Variants in PRSS23 observed in about 807,000 individuals in gnomAD.
PRSS23 encodes serine protease 23.
PRSS23 carries 25 observed loss-of-function variants against 34.7 expected under a neutral mutation model. That is an observed-to-expected ratio of 0.72 (90% CI 0.53 to 1.01). The LOEUF is 1.01. Ranked by LOEUF, PRSS23 falls within the 50% of genes least tolerant of loss-of-function variation. The pLI, the probability that PRSS23 is intolerant of heterozygous loss-of-function variation, is 0.00. For synonymous variants in PRSS23, 176 were observed against 186.6 expected (o/e 0.94, Z 0.46); for missense variants, 445 against 475.6 (o/e 0.94, Z 0.60).
chr11:86,844,460 C>G (rs1341476841), intron 2 of PRSS23, among the ~76,000 whole-genome samples: 1 of 152,106 alleles, frequency 6.6e-6, no homozygotes. Flanking sequence ...ACACCAATGT[C>G]CACAGTGTGC....
chr11:86,848,362 A>G (rs894147880), intron 2 of PRSS23, among the ~76,000 whole-genome samples: 28 of 152,212 alleles, frequency 1.8e-4, no homozygotes, highest in African/African-American at 4.3e-4. Context: ...GAGGAGAGGG[A>G]AAAATTGCCC....
chr11:86,890,386 A>T (rs12801237), intron 2 of PRSS23, among the ~76,000 whole-genome samples: 49,056 of 152,174 alleles, frequency 0.32, 9,118 homozygotes, highest in Non-Finnish European at 0.41. Flanking sequence ...TTATGCCAGA[A>T]CAAAAGTTTA....
chr11:86,951,726 T>C lies in PRSS23; in HGVS notation c.*441T>C, dbSNP rs745360980. 5.0e-6 allele frequency: 8 copies of C among 1,614,226 alleles called. No homozygotes were observed. The South Asian group carries it at 6.6e-5, about 13-fold the overall frequency. ...CAGGCTGCAATGTGGAAATAAGAGC[T>C]GTGCATTTCAATGGCTTCATGACCC... On this transcript the variant is annotated 3_prime_UTR_variant, in exon 3 of 3. Coordinates refer to the PRSS23 transcript ENST00000533902.
exon 3 of PRSS23, chr11:86,951,672 T>C (rs369763103): frequency 2.5e-6 from 4 of 1,614,022 alleles, no homozygotes; most frequent in Non-Finnish European, 2.5e-6. Flanking sequence ...ATAATCAAGA[T>C]GACAATGGTT....
rs1948130538 is a variant in PRSS23, at chr11:86,808,247, G to T, written c.604G>T (p.Gly202Cys). The stretch of plus-strand genomic sequence containing the variant: ...CTTCCTAAAGCCCAAGTTTAAAGAT[G>T]GTGGTCGAGGGGCCAACGACTCCAC... ...VGFLKPKFKD[G>C]GRGANDSTSA... Residue 202 changes from glycine to cysteine, a missense_variant, in exon 2 of 2, where the codon GGT (glycine) becomes TGT (cysteine). Transcript: ENST00000280258. 6.2e-7 allele frequency: 1 copy of T among 1,614,032 alleles called. No individual in the cohort carries two copies. Among genetic ancestry groups the T allele is most frequent in the African/African-American group, 1.3e-5 (1 of 74,938 alleles).
downstream of PRSS23, among the ~76,000 whole-genome samples, chr11:86,815,307 T>C (rs1388197237): frequency 2.6e-5 from 4 of 152,226 alleles, no homozygotes; most frequent in African/African-American, 9.6e-5. Context: ...CACTTATCAC[T>C]AACACTGTTA....
chr11:86,950,249 A>G (rs1465380504), intron 2 of PRSS23: 1 of 152,660 alleles, frequency 6.6e-6, no homozygotes, highest in Non-Finnish European at 1.5e-5. Context: ...TGCTCAATGC[A>G]ATAGGTCTCT....
At chr11:86,828,066 A>G (rs1948318229) in intron 2 of PRSS23, among the ~76,000 whole-genome samples, 1 of 152,140 alleles carries the variant, frequency 6.6e-6, no homozygotes, top group Non-Finnish European at 1.5e-5. Flanking sequence ...TTTCTGTCTC[A>G]TTGATCTGTC....
intron 2 of PRSS23, among the ~76,000 whole-genome samples, chr11:86,853,037 AGAGAC>A (rs1024026401): frequency 6.6e-6 from 1 of 151,636 alleles, no homozygotes; most frequent in Non-Finnish European, 1.5e-5. Flanking sequence ...TATTTTTAAT[AGAGAC>A]GAGCTTTCAC....
intron 1 of PRSS23, among the ~76,000 whole-genome samples, chr11:86,807,266 G>T (rs1418339822): frequency 6.6e-6 from 1 of 152,062 alleles, no homozygotes; most frequent in African/African-American, 2.4e-5. Context: ...AGAGGAGGAG[G>T]TTTAGAATCA....
At chr11:86,884,535 G>A (rs896975334) in intron 2 of PRSS23, among the ~76,000 whole-genome samples, 2 of 151,688 alleles carry the variant, frequency 1.3e-5, no homozygotes, top group Non-Finnish European at 2.9e-5. Context: ...CCTGACCTCA[G>A]GTGATCTGCC....
chr11:86,941,324 T>G (rs956108252), intron 2 of PRSS23, among the ~76,000 whole-genome samples: 6 of 152,178 alleles, frequency 3.9e-5, no homozygotes, highest in African/African-American at 1.4e-4. Context: ...GTGATAGGAC[T>G]AGTAGCATTG....
At chr11:86,803,720 C>T (rs1948067094) in intron 1 of PRSS23, among the ~76,000 whole-genome samples, 1 of 152,066 alleles carries the variant, frequency 6.6e-6, no homozygotes, top group Non-Finnish European at 1.5e-5. Context: ...CCACTCAGTT[C>T]TTGAAAGCTG....
At chr11:86,828,863 C>A (rs866839041) in intron 2 of PRSS23, among the ~76,000 whole-genome samples, 1 of 152,152 alleles carries the variant, frequency 6.6e-6, no homozygotes, top group Non-Finnish European at 1.5e-5. Context: ...CCGAGAGATC[C>A]GCTGTTAGTC....
In PRSS23 at chr11:86,924,646, A is replaced by T. The variant is rs533035943; in HGVS notation, c.207-26570A>T. Among the ~76,000 whole-genome samples the T allele has an allele frequency of 2.6e-5, 4 of 152,282 alleles. No homozygotes were observed. In the South Asian group the frequency reaches 8.3e-4, roughly 32 times the overall value. On this transcript the variant is annotated intron_variant, in intron 2 of 2. Coordinates refer to the PRSS23 transcript ENST00000533902. ...CTCAACTGGAAAAGAAAAGTAATGA[A>T]ACTTATCTCCAAGAGTTGTTATAGT...
At chr11:86,862,393 A>G (rs1191396239) in intron 2 of PRSS23, among the ~76,000 whole-genome samples, 1 of 151,926 alleles carries the variant, frequency 6.6e-6, no homozygotes, top group African/African-American at 2.4e-5. Context: ...GTAATATCCT[A>G]GAGATATGTT....
At chr11:86,841,080 C>G (rs1156276794) in intron 2 of PRSS23, among the ~76,000 whole-genome samples, 1 of 152,024 alleles carries the variant, frequency 6.6e-6, no homozygotes, top group African/African-American at 2.4e-5. Context: ...TGGCACATAC[C>G]TGTAATCCCA....
intron 2 of PRSS23, among the ~76,000 whole-genome samples, chr11:86,914,284 C>T (rs1333558498): frequency 6.6e-6 from 1 of 152,116 alleles, no homozygotes; most frequent in Admixed American, 6.5e-5. Context: ...TGATTAATAA[C>T]ATTGAATGCC....
chr11:86,849,707 G>A (rs1378909424), intron 2 of PRSS23, among the ~76,000 whole-genome samples: 1 of 152,136 alleles, frequency 6.6e-6, no homozygotes, highest in African/African-American at 2.4e-5. Context: ...CAGAATCAAT[G>A]AGGCAGTAAT....
Sources: gnomAD v4.1 joint callset for allele counts (sites outside exome capture counted in the v4.1 genomes callset) on GRCh38, gnomAD v4.1.1 for gene constraint, MANE v1.5 for transcripts, NCBI Gene and HGNC (gene_info 2026-07-23, HGNC 2026-07-21) for gene names.